The following ASXL1 variants were observed in gnomAD, a reference collection of about 807,000 sequenced individuals.
ASXL1 encodes ASXL transcriptional regulator 1.
In ASXL1, 65 loss-of-function variants were observed where a neutral mutation model predicts 89.1. That is an observed-to-expected ratio of 0.73 (90% CI 0.60 to 0.90). ASXL1 has a LOEUF of 0.90. ASXL1 is among the 40% of genes least tolerant of loss of function. ASXL1 has a pLI of 0.00. For synonymous variants in ASXL1, 739 were observed against 746.9 expected (o/e 0.99, Z 0.17); for missense variants, 1,786 against 1,942.9 (o/e 0.92, Z 1.52).
chr20:32,384,921 G>C (rs1332452646), intron 4 of ASXL1, among the ~76,000 whole-genome samples: 2 of 151,992 alleles, frequency 1.3e-5, no homozygotes, highest in Non-Finnish European at 2.9e-5. Context: ...TGAGGGTTCT[G>C]GGAAAATGAG....
At chr20:32,426,561 T>C (rs868213495) in intron 4 of ASXL1, among the ~76,000 whole-genome samples, 2 of 112,388 alleles carry the variant, frequency 1.8e-5, no homozygotes, top group South Asian at 3.1e-4. Flanking sequence ...TTTCTTTTTT[T>C]TTTTTTTTTT....
At chr20:32,369,169 TA>T (rs1454486194) in intron 4 of ASXL1, 46 bp downstream of exon 4, 2 of 1,530,642 alleles carry the variant, frequency 1.3e-6, no homozygotes, top group Non-Finnish European at 1.8e-6. Flanking sequence ...CTTGGACTTT[TA>T]ATGTGCATAA....
Position 32,369,132 on chromosome 20 carries a change from T to C in ASXL1, c.252+9T>C. Reference sequence around the variant, plus strand: ...GCCTTTTCACGCTCAAGGTAAGTGATATGAACTCTCTTTTGGTGCAGTGAT... The same window carrying C: ...GCCTTTTCACGCTCAAGGTAAGTGACATGAACTCTCTTTTGGTGCAGTGAT... On this transcript the variant is annotated intron_variant, in intron 4 of 12. Transcript: ENST00000375687. 1 of 1,590,200 alleles carries C rather than the reference T, an allele frequency of 6.3e-7. No homozygotes were observed. The highest frequency in any genetic ancestry group is 1.1e-5 in the South Asian group (1 of 90,620).
chr20:32,391,568 C>G, intron 4 of ASXL1, among the ~76,000 whole-genome samples: 1 of 152,194 alleles, frequency 6.6e-6, no homozygotes. Flanking sequence ...TAGCTCACTG[C>G]AGCCTCGATC....
chr20:32,433,188 TC>T, intron 11 of ASXL1, 95 bp from the exon 12 acceptor site: 1 of 1,573,968 alleles, frequency 6.4e-7, no homozygotes, highest in Non-Finnish European at 8.6e-7. Context: ...TTTATTTTGT[TC>T]TGAGATATCT....
intron 12 of ASXL1, 30 bp from the exon 13 acceptor site, chr20:32,434,402 T>G (rs542812100): frequency 6.2e-7 from 1 of 1,613,142 alleles, no homozygotes; most frequent in Admixed American, 1.7e-5. Flanking sequence ...CCCAGTCAGT[T>G]AAAACTATTT....
chr20:32,429,206 G>A lies in ASXL1; in HGVS notation c.472-132G>A. 1 of 867,346 alleles carries A rather than the reference G, an allele frequency of 1.2e-6. No individual in the cohort carries two copies. Among genetic ancestry groups the A allele is most frequent in the Non-Finnish European group, 1.9e-6 (1 of 527,742 alleles). The allele number at this position is 867,346 out of a possible 1,614,324, so 53.7% of individuals were successfully genotyped here. A position where few individuals can be genotyped will look rare whatever the true frequency, so the allele number is the denominator to read the frequency against. On this transcript the variant is annotated intron_variant, in intron 6 of 12. Transcript: ENST00000375687. This position sits in a 1 kb window ranked among gnomAD's most constrained non-coding sequence, Gnocchi z 4.9. ...GTAACATTAACCAGTGCTCTTGTCA[G>A]CATTATTTGACAGATCTGGTTGAAG...
chr20:32,405,851 C>G (rs1569290179), intron 4 of ASXL1, among the ~76,000 whole-genome samples: 1 of 152,058 alleles, frequency 6.6e-6, no homozygotes, highest in Non-Finnish European at 1.5e-5. Context: ...TCTTTGATCA[C>G]TTGGTTAAGG....
intron 4 of ASXL1, among the ~76,000 whole-genome samples, chr20:32,417,461 C>G (rs1407481239): frequency 6.6e-6 from 1 of 152,128 alleles, no homozygotes; most frequent in African/African-American, 2.4e-5. Context: ...TCGTTGACAT[C>G]TATAATATTG....
rs762939072 is a variant in ASXL1, at chr20:32,435,605, CGAG to C, written c.2898_2900del (p.Gly967del). 438 of 1,614,066 alleles carry C rather than the reference CGAG, an allele frequency of 2.7e-4. No homozygotes were observed. Among genetic ancestry groups the C allele is most frequent in the Admixed American group, 5.7e-4 (34 of 60,010 alleles). ...TACTTCACTCTGGACTGTGCCATCT[CGAG>C]GAGGCAGTGACAGCAATGGCAGTTA... On this transcript the variant is annotated inframe_deletion, in exon 13 of 13. Transcript: ENST00000375687.
rs940917780 is a variant in ASXL1 at position 32,360,021 on chromosome 20, TTC to T, written c.57+1195_57+1196del. On this transcript the variant is annotated intron_variant, in intron 1 of 12. Coordinates refer to ENST00000375687, the MANE Select transcript of ASXL1 (RefSeq NM_015338.6). ...TGATGAGTGAAGCTCAGACTTAATT[TTC>T]TCTCTTATTTTGAAGTGAGTTTTCT... 2.0e-5 allele frequency: 11 copies of T among 562,572 alleles called. No homozygotes were observed. The Admixed American group carries it at 2.4e-4, about 12-fold the overall frequency. 34.8% of individuals were successfully genotyped at this position (562,572 alleles called of 1,614,324 possible). A position where few individuals can be genotyped will look rare whatever the true frequency, so the allele number is the denominator to read the frequency against.
intron 4 of ASXL1, among the ~76,000 whole-genome samples, chr20:32,384,198 GTTTTTTTTTTTTTT>G (rs71187115): frequency 3.9e-5 from 3 of 77,304 alleles, no homozygotes; most frequent in African/African-American, 4.7e-5. Context: ...GCAGCAGTCT[GTTTTTTTTTTTTTT>G]TTTTTTTTTT....
chr20:32,433,154 T>C (rs2011578495), intron 11 of ASXL1, 130 bp from the exon 12 acceptor site: 9 of 1,540,776 alleles, frequency 5.8e-6, no homozygotes, highest in Non-Finnish European at 7.0e-6. Context: ...AGTTTTTCCA[T>C]GGTTAGATTG....
intron 4 of ASXL1, among the ~76,000 whole-genome samples, chr20:32,420,426 T>G (rs2049221972): frequency 6.6e-6 from 1 of 152,234 alleles, no homozygotes; most frequent in South Asian, 2.1e-4. Flanking sequence ...CGTAGTGTCT[T>G]GTATTTTTTA....
intron 4 of ASXL1, among the ~76,000 whole-genome samples, chr20:32,393,801 A>G (rs562622543): frequency 6.6e-6 from 1 of 151,850 alleles, no homozygotes; most frequent in African/African-American, 2.4e-5. Context: ...TTAAACAACC[A>G]TCTTTTCTAT....
chr20:32,434,060 C>A, intron 12 of ASXL1, 143 bp downstream of exon 12: 1 of 1,229,350 alleles, frequency 8.1e-7, no homozygotes, highest in Non-Finnish European at 1.1e-6. Context: ...TTGAGACAGC[C>A]TTCAAGTTTA....
chr20:32,407,656 C>T (rs931188244), intron 4 of ASXL1, among the ~76,000 whole-genome samples: 13 of 152,126 alleles, frequency 8.5e-5, no homozygotes, highest in South Asian at 4.2e-4. Context: ...GTAGAGATGA[C>T]GTCTCACTAT....
chr20:32,436,501 A>G lies in ASXL1; in HGVS notation c.3789A>G (p.Pro1263=), dbSNP rs755293418. The G allele has an allele frequency of 6.2e-6, 10 of 1,614,108 alleles. No individual in the cohort carries two copies. The highest frequency in any genetic ancestry group is 8.5e-6 in the Non-Finnish European group (10 of 1,180,060). The change falls in exon 13 of 13, where the codon CCA becomes CCG. Residue 1263 remains proline (P), a synonymous_variant. Transcript: ENST00000375687. ...CAAATGCTGCTCCAGGAAAGAGCCC[A>G]GGAGATCTTACTACCTCGAGAACAC... ...SNSNAAPGKS[P]GDLTTSRTPR... is the part of the protein sequence containing the mutation.
intron 4 of ASXL1, among the ~76,000 whole-genome samples, chr20:32,410,251 T>C (rs1236892935): frequency 6.6e-6 from 1 of 152,200 alleles, no homozygotes; most frequent in Non-Finnish European, 1.5e-5. Flanking sequence ...GCCCTATATA[T>C]ACTGTGTTTT....
Sources: gnomAD v4.1 joint callset for allele counts (sites outside exome capture counted in the v4.1 genomes callset) on GRCh38, gnomAD v4.1.1 for gene constraint, Gnocchi (gnomAD v3.1) non-coding constraint, MANE v1.5 for transcripts, NCBI Gene and HGNC (gene_info 2026-07-23, HGNC 2026-07-21) for gene names.